IMMP2L: variants seen among roughly 807,000 people sequenced by gnomAD.
The protein encoded by IMMP2L is inner mitochondrial membrane peptidase subunit 2, also known as mitochondrial inner membrane protease subunit 2.
IMMP2L carries 18 observed loss-of-function variants against 19.3 expected under a neutral mutation model. The observed-to-expected ratio is 0.93, with a 90% CI of 0.64 to 1.38. The LOEUF is 1.38. Among genes scored for constraint, IMMP2L ranks in the 40% most tolerant of loss-of-function variants. The pLI, the probability that IMMP2L is intolerant of heterozygous loss-of-function variation, is 0.00. For synonymous variants in IMMP2L, 76 were observed against 73.0 expected (o/e 1.04, Z -0.21); for missense variants, 233 against 218.2 (o/e 1.07, Z -0.43).
rs149648615 is a variant in IMMP2L at position 111,223,551 on chromosome 7, C to T, written c.240-259986G>A. ...TTGCTATTGTAAACTCTTCAAAACC[C>T]TTTTTCATTAATTCACACCACGTAT... On this transcript the variant is annotated intron_variant, in intron 3 of 5. Coordinates refer to ENST00000405709, the MANE Select transcript of IMMP2L (RefSeq NM_032549.4). 1.6e-3 allele frequency among the ~76,000 whole-genome samples: 247 copies of T among 152,136 alleles called. 2 individuals carry two copies. The highest frequency in any genetic ancestry group is 5.9e-3 in the African/African-American group (244 of 41,512).
At chr7:111,355,545 T>A (rs906690407) in intron 3 of IMMP2L, among the ~76,000 whole-genome samples, 6 of 151,716 alleles carry the variant, frequency 4.0e-5, no homozygotes, top group Non-Finnish European at 8.9e-5. Flanking sequence ...TTCTCATAAA[T>A]ACCCACCAGT....
rs558029372 is a variant in IMMP2L, at chr7:111,358,085, A to G, written c.239+129153T>C. Among the ~76,000 whole-genome samples the G allele has an allele frequency of 3.3e-5, 5 of 151,384 alleles. No individual in the cohort carries two copies. In the South Asian group the frequency reaches 1.0e-3, roughly 32 times the overall value. On this transcript the variant is annotated intron_variant, in intron 3 of 5. Coordinates refer to ENST00000405709, the MANE Select transcript of IMMP2L (RefSeq NM_032549.4). Reference sequence around the variant, plus strand: ...CATTCACTTTTTAGATTCAGAGTACATAATCATTTGGCTTGTTTTTGCTAT... The same window carrying G: ...CATTCACTTTTTAGATTCAGAGTACGTAATCATTTGGCTTGTTTTTGCTAT...
chr7:110,906,870 A>G (rs1812510100), intron 4 of IMMP2L, among the ~76,000 whole-genome samples: 2 of 152,158 alleles, frequency 1.3e-5, no homozygotes, highest in Admixed American at 1.3e-4. Flanking sequence ...GTGAAGCCAG[A>G]TATCGCCCTG....
intron 3 of IMMP2L, among the ~76,000 whole-genome samples, chr7:111,166,744 G>A (rs116420959): frequency 6.6e-6 from 1 of 151,912 alleles, no homozygotes; most frequent in Non-Finnish European, 1.5e-5. Context: ...TCCTTATTTT[G>A]TCTAATTTCT....
intron 4 of IMMP2L, among the ~76,000 whole-genome samples, chr7:110,952,366 A>T (rs1345232373): frequency 6.6e-6 from 1 of 152,178 alleles, no homozygotes; most frequent in Non-Finnish European, 1.5e-5. Context: ...CTTCAGGAGT[A>T]GTACATAAAA....
intron 1 of IMMP2L, among the ~76,000 whole-genome samples, chr7:111,552,183 G>A (rs994036962): frequency 6.6e-6 from 1 of 152,264 alleles, no homozygotes; most frequent in South Asian, 2.1e-4. Context: ...AAGCAAGCAG[G>A]AAAGGATTTG....
In IMMP2L at chr7:111,558,990, T is replaced by A. The variant is rs1585696626; in HGVS notation, c.-3+2861A>T. Among the ~76,000 whole-genome samples, 3 of 152,152 alleles carry A rather than the reference T, an allele frequency of 2.0e-5. No individual in the cohort carries two copies. The South Asian group carries it at 6.2e-4, about 32-fold the overall frequency. On this transcript the variant is annotated intron_variant, in intron 1 of 5. Transcript: ENST00000405709. ...AGAATGATTTTGCCTTGTTAACTTG[T>A]AAGAACAATGACACTAGAAGAAACC...
At chr7:110,992,787 A>G (rs2129559829) in intron 3 of IMMP2L, among the ~76,000 whole-genome samples, 2 of 152,254 alleles carry the variant, frequency 1.3e-5, no homozygotes, top group East Asian at 3.9e-4. Context: ...ATATATTCAG[A>G]AATAATGCTA....
intron 3 of IMMP2L, among the ~76,000 whole-genome samples, chr7:111,357,280 G>A (rs983657727): frequency 6.6e-6 from 1 of 152,098 alleles, no homozygotes; most frequent in African/African-American, 2.4e-5. Flanking sequence ...CTTAGAGGCA[G>A]CAACTTTAGA....
intron 3 of IMMP2L, among the ~76,000 whole-genome samples, chr7:111,141,382 T>A (rs1243734264): frequency 6.6e-6 from 1 of 152,186 alleles, no homozygotes; most frequent in East Asian, 1.9e-4. Flanking sequence ...CATTAATATA[T>A]ACATTATTAT....
At position 110,773,631 on chromosome 7, in the gene IMMP2L, A is replaced by T. The variant is rs976535445; in HGVS notation, c.409-109910T>A. ...GTTATAAACACAAAAACAAAAATGC[A>T]ACTACAACGAAACAACTGTGCTAAA... On this transcript the variant is annotated intron_variant, in intron 5 of 5. Coordinates refer to ENST00000405709, the MANE Select transcript of IMMP2L (RefSeq NM_032549.4). 7.2e-5 allele frequency among the ~76,000 whole-genome samples: 11 copies of T among 152,224 alleles called. No homozygotes were observed. The East Asian group carries it at 1.9e-3, about 27-fold the overall frequency.
At chr7:110,768,974 C>T (rs1798856215) in intron 5 of IMMP2L, among the ~76,000 whole-genome samples, 1 of 152,108 alleles carries the variant, frequency 6.6e-6, no homozygotes, top group Admixed American at 6.6e-5. Flanking sequence ...TTAATGGAAA[C>T]ATGCACAGAA....
At chr7:111,093,659 A>C (rs1797097365) in intron 3 of IMMP2L, among the ~76,000 whole-genome samples, 1 of 152,166 alleles carries the variant, frequency 6.6e-6, no homozygotes, top group Admixed American at 6.6e-5. Flanking sequence ...AGAGATCAGT[A>C]ATGTGCCCAC....
At chr7:111,209,113 C>T (rs896734655) in intron 3 of IMMP2L, among the ~76,000 whole-genome samples, 1 of 152,048 alleles carries the variant, frequency 6.6e-6, no homozygotes, top group Non-Finnish European at 1.5e-5. Flanking sequence ...AACTCACAGC[C>T]GAGCACGGTG....
intron 3 of IMMP2L, among the ~76,000 whole-genome samples, chr7:110,975,412 C>T (rs552760940): frequency 6.6e-6 from 1 of 152,168 alleles, no homozygotes; most frequent in African/African-American, 2.4e-5. Context: ...TGTACTTGAC[C>T]TCCTGCCTGT....
chr7:111,058,230 A>G (rs904475322), intron 3 of IMMP2L, among the ~76,000 whole-genome samples: 1 of 152,214 alleles, frequency 6.6e-6, no homozygotes, highest in Admixed American at 6.5e-5. Context: ...CATCCCACTC[A>G]AAGACAATCT....
chr7:111,486,873 T>C (rs999269765), intron 3 of IMMP2L, among the ~76,000 whole-genome samples: 3 of 152,204 alleles, frequency 2.0e-5, no homozygotes, highest in Non-Finnish European at 2.9e-5. Context: ...CTTCTAGGAA[T>C]ACTTTTTAAT....
chr7:111,241,281 T>A (rs1379162305), intron 3 of IMMP2L, among the ~76,000 whole-genome samples: 1 of 152,008 alleles, frequency 6.6e-6, no homozygotes, highest in Admixed American at 6.6e-5. Flanking sequence ...AATTTGAAGT[T>A]AAAATAGATC....
intron 3 of IMMP2L, among the ~76,000 whole-genome samples, chr7:111,363,488 G>A (rs905105629): frequency 1.6e-4 from 24 of 152,136 alleles, no homozygotes; most frequent in African/African-American, 5.1e-4. Context: ...TAACCCTCAT[G>A]TTTCCATTTT....
Sources: allele counts gnomAD v4.1 joint callset (sites outside exome capture counted in the v4.1 genomes callset), GRCh38; gene constraint gnomAD v4.1.1; transcripts MANE v1.5; gene names NCBI Gene and HGNC (gene_info 2026-07-23, HGNC 2026-07-21).